Variants in GLRX2 observed in about 807,000 individuals in gnomAD.
GLRX2 encodes glutaredoxin 2.
Under a neutral mutation model 16.4 loss-of-function variants are expected in GLRX2, and 12 were observed. The ratio of observed to expected loss-of-function variants is 0.73; its 90% confidence interval spans 0.47 to 1.19. The LOEUF is 1.19. Among genes scored for constraint, GLRX2 ranks in the 50% most tolerant of loss-of-function variants. The probability of loss-of-function intolerance (pLI) is 0.00; values close to 1 mark genes in which losing one functional copy is unlikely to be tolerated. For missense variants in GLRX2, 201 were observed against 201.8 expected (o/e 1.00, Z 0.02); for synonymous variants, 95 against 76.2 (o/e 1.25, Z -1.28).
chr1:193,096,706 A>T lies in GLRX2; in HGVS notation c.414T>A (p.His138Gln). ...GCAATTTTCCTTCTTTGTGAAGCCTATGAGTGTCAGTTGCACCTCCAATAA... is the reference window on the plus strand; with the variant it reads ...GCAATTTTCCTTCTTTGTGAAGCCTTTGAGTGTCAGTTGCACCTCCAATAA... The part of the protein sequence containing the change: ...GTFIGGATDT[H>Q]RLHKEGKLLP... The change falls in exon 4 of 4, where the codon CAT (histidine) becomes CAA (glutamine). Residue 138 changes from histidine (H) to glutamine (Q), a missense_variant. Physicochemically the swap from His to Gln is conservative, Grantham distance 24. Coordinates refer to ENST00000367439, the MANE Select transcript of GLRX2 (RefSeq NM_197962.3). 6.2e-7 allele frequency: 1 copy of T among 1,608,996 alleles called. No individual in the cohort carries two copies. The highest frequency in any genetic ancestry group is 8.5e-7 in the Non-Finnish European group (1 of 1,175,716).
chr1:193,106,038 T>C (rs966575765), upstream of GLRX2: 19 of 988,256 alleles, frequency 1.9e-5, no homozygotes, highest in African/African-American at 3.1e-4. Flanking sequence ...ACAGAGATGT[T>C]TCACCATGGC....
chr1:193,103,053 A>AAAC (rs1024763218), intron 1 of GLRX2, among the ~76,000 whole-genome samples: 73 of 152,016 alleles, frequency 4.8e-4, no homozygotes, highest in African/African-American at 1.7e-3. Context: ...ACTCCGTCTT[A>AAAC]AATAATAATA....
upstream of GLRX2, chr1:193,105,489 C>A (rs1172314397): frequency 6.6e-7 from 1 of 1,506,074 alleles, no homozygotes. Flanking sequence ...TCCCGCCCCT[C>A]CGGACTGCCC....
chr1:193,105,665 G>T, upstream of GLRX2: 1 of 1,592,098 alleles, frequency 6.3e-7, no homozygotes, highest in Non-Finnish European at 8.5e-7. Flanking sequence ...GATTCTTTTA[G>T]GTTTAGGGAC....
At chr1:193,102,325 C>G (rs980322421) in intron 1 of GLRX2, among the ~76,000 whole-genome samples, 1 of 152,008 alleles carries the variant, frequency 6.6e-6, no homozygotes, top group Non-Finnish European at 1.5e-5. Context: ...TAGTCCCAAG[C>G]AGAATTTTTT....
At chr1:193,105,733 TG>T (rs1675188661), upstream of GLRX2, 4 of 1,431,760 alleles carry the variant, frequency 2.8e-6, no homozygotes, top group Non-Finnish European at 1.8e-6. Flanking sequence ...GCAGACATGC[TG>T]GGGAAACGGA....
intron 1 of GLRX2, 84 bp from the exon 2 acceptor site, chr1:193,101,288 C>T: frequency 1.1e-6 from 1 of 919,422 alleles, no homozygotes; most frequent in Admixed American, 2.2e-5. Context: ...AAATCAATCT[C>T]ATAAACAAAT....
At chr1:193,105,885 T>C (rs1572132018), upstream of GLRX2, 1 of 1,161,448 alleles carries the variant, frequency 8.6e-7, no homozygotes, top group East Asian at 4.3e-5. Context: ...CGAGACCCAA[T>C]GTAAATTATG....
At position 193,103,143 on chromosome 1, in the gene GLRX2, TA is replaced by T. The variant is rs1386109898; in HGVS notation, c.120-1940del. On this transcript the variant is annotated intron_variant, in intron 1 of 3. Coordinates refer to ENST00000367439, the MANE Select transcript of GLRX2 (RefSeq NM_197962.3). Reference sequence around the variant, plus strand: ...AAGAGAAGCCCTAAAGTGCTTCCTTTAAGTGAAACGGTGAAAGTTCTCCACC... The same window carrying T: ...AAGAGAAGCCCTAAAGTGCTTCCTTTAGTGAAACGGTGAAAGTTCTCCACC... 3.3e-5 allele frequency among the ~76,000 whole-genome samples: 5 copies of T among 152,226 alleles called. No homozygotes were observed. The East Asian group carries it at 9.7e-4, about 29-fold the overall frequency.
rs1360350096 is a variant in GLRX2 at position 193,097,773 on chromosome 1, C to A, written c.184-13G>T. On this transcript the variant is annotated splice_polypyrimidine_tract_variant and intron_variant, in intron 2 of 3. Coordinates refer to ENST00000367439, the MANE Select transcript of GLRX2 (RefSeq NM_197962.3). ...CAGAAATTGTTTCCTGAAATAAAAC[C>A]ACAAAAAATCATTTTAATTCTAGAC... is the stretch of plus-strand genomic sequence containing the variant. 5 of 1,532,420 alleles carry A rather than the reference C, an allele frequency of 3.3e-6. No individual in the cohort carries two copies. Among genetic ancestry groups the A allele is most frequent in the Admixed American group, 2.0e-5 (1 of 50,494 alleles). 94.9% of individuals were successfully genotyped at this position (1,532,420 alleles called of 1,614,324 possible).
rs1488464008 is a variant in GLRX2 at position 193,105,327 on chromosome 1, C to A, written c.56G>T (p.Gly19Val). 4 of 1,546,026 alleles carry A rather than the reference C, an allele frequency of 2.6e-6. No homozygotes were observed. Among genetic ancestry groups the A allele is most frequent in the African/African-American group, 1.4e-5 (1 of 70,826 alleles). The part of the protein sequence containing the change: ...AGTRLVWSRS[G>V]SAGWLDRAAG... ...CGCCCTGTCAAGCCAGCCTGCCGAG[C>A]CGCTCCTGCTCCAAACCAGCCGCGT... The change falls in exon 1 of 4, where the codon GGC (glycine) becomes GTC (valine). Residue 19 changes from glycine to valine, a missense_variant. Gly to Val is a moderately radical substitution (Grantham distance 109). Transcript: ENST00000367439.
At chr1:193,098,325 G>A (rs1430718670) in intron 2 of GLRX2, among the ~76,000 whole-genome samples, 1 of 152,090 alleles carries the variant, frequency 6.6e-6, no homozygotes, top group Admixed American at 6.5e-5. Context: ...CAGATCACTT[G>A]AGGTAAGGAG....
intron 1 of GLRX2, among the ~76,000 whole-genome samples, chr1:193,101,779 C>T (rs909812698): frequency 7.9e-5 from 12 of 152,124 alleles, no homozygotes; most frequent in Admixed American, 7.2e-4. Flanking sequence ...AGTAAATGCT[C>T]AATAATGTTT....
intron 1 of GLRX2, among the ~76,000 whole-genome samples, chr1:193,103,580 C>T (rs1326184321): frequency 1.3e-5 from 2 of 151,748 alleles, no homozygotes; most frequent in Non-Finnish European, 2.9e-5. Flanking sequence ...CAGTACTATC[C>T]GAGGTTTTAG....
intron 1 of GLRX2, among the ~76,000 whole-genome samples, chr1:193,102,438 G>A (rs762883622): frequency 2.0e-5 from 3 of 152,000 alleles, no homozygotes; most frequent in Admixed American, 6.5e-5. Flanking sequence ...TGCAATCTCC[G>A]CTTCCCAGGT....
chr1:193,096,740 T>C lies in GLRX2; in HGVS notation c.380A>G (p.Asn127Ser). The change falls in exon 4 of 4, where the codon AAT (asparagine) becomes AGT (serine). Residue 127 changes from asparagine (N) to serine (S), a missense_variant. By Grantham distance (46) the Asn-to-Ser change is conservative (BLOSUM62 1). Coordinates refer to ENST00000367439, the MANE Select transcript of GLRX2 (RefSeq NM_197962.3). ...AGTTGCACCTCCAATAAAAGTACCA[T>C]TGACAAATATTCTTGGAACCTGTTG... ...GERTVPRIFVNGTFIGGATDT... is the reference protein window; with the variant it reads ...GERTVPRIFVSGTFIGGATDT... 2 of 1,610,228 alleles carry C rather than the reference T, an allele frequency of 1.2e-6. No homozygotes were observed. Among genetic ancestry groups the C allele is most frequent in the Non-Finnish European group, 1.7e-6 (2 of 1,178,302 alleles).
rs1254698916 is a variant in GLRX2 at position 193,096,647 on chromosome 1, C to CT, written c.472dup (p.Ser158LysfsTer2). Reference sequence around the variant, plus strand: ...ACATCACTGAAATTCTTTCCTCTTACTTTTTTTTAAATAACACTGATGAAC... The same window carrying CT: ...ACATCACTGAAATTCTTTCCTCTTACTTTTTTTTTAAATAACACTGATGAAC... On this transcript the variant is annotated frameshift_variant, in exon 4 of 4. Coordinates refer to ENST00000367439, the MANE Select transcript of GLRX2 (RefSeq NM_197962.3). LOFTEE classifies it high-confidence loss of function. 28 of 1,589,840 alleles carry CT rather than the reference C, an allele frequency of 1.8e-5. No homozygotes were observed. Among genetic ancestry groups the CT allele is most frequent in the South Asian group, 3.3e-5 (3 of 89,750 alleles).
At chr1:193,101,908 TA>T (rs879288292) in intron 1 of GLRX2, among the ~76,000 whole-genome samples, 21 of 145,742 alleles carry the variant, frequency 1.4e-4, no homozygotes, top group Non-Finnish European at 2.1e-4. Flanking sequence ...AAATTATCAC[TA>T]AAAAAAAAAA....
chr1:193,097,890 T>A (rs35057393), intron 2 of GLRX2, 130 bp from the exon 3 acceptor site: 9,757 of 533,996 alleles, frequency 0.018, 177 homozygotes, highest in African/African-American at 0.057. Flanking sequence ...TCATCTATTT[T>A]TTCTCATCTG....
Sources: gnomAD v4.1 joint callset for allele counts (sites outside exome capture counted in the v4.1 genomes callset) on GRCh38, gnomAD v4.1.1 for gene constraint, MANE v1.5 for transcripts, NCBI Gene and HGNC (gene_info 2026-07-23, HGNC 2026-07-21) for gene names.